RBFOX1: variants seen among roughly 807,000 people sequenced by gnomAD.
RBFOX1 encodes RNA binding fox-1 homolog 1.
In RBFOX1, 8 loss-of-function variants were observed where a neutral mutation model predicts 57.7. The observed-to-expected ratio is 0.14, with a 90% confidence interval of 0.08 to 0.25. The LOEUF is 0.25. RBFOX1 is among the 10% of genes least tolerant of loss of function. The probability of loss-of-function intolerance (pLI) is 1.00; values close to 1 mark genes in which losing one functional copy is unlikely to be tolerated. For synonymous variants in RBFOX1, 326 were observed against 222.4 expected (o/e 1.47, Z -4.15); for missense variants, 611 against 548.5 (o/e 1.11, Z -1.14).
In RBFOX1 at chr16:5,609,559, G is replaced by A. The variant is rs1439302846; in HGVS notation, c.318+10598G>A. Among the ~76,000 whole-genome samples the A allele has an allele frequency of 5.9e-5, 9 of 152,170 alleles. No homozygotes were observed. The South Asian group carries it at 6.2e-4, about 11-fold the overall frequency. ...TGTCAAGCATGTAGAGATGTCCACCGTGTCAGCGAAGGTTGACCCAGCGTC... is the reference window on the plus strand; with the variant it reads ...TGTCAAGCATGTAGAGATGTCCACCATGTCAGCGAAGGTTGACCCAGCGTC... On this transcript the variant is annotated intron_variant, in intron 3 of 19. Coordinates refer to the RBFOX1 transcript ENST00000641259.
At chr16:5,389,427 T>C (rs2066343986) in intron 1 of RBFOX1, among the ~76,000 whole-genome samples, 1 of 152,072 alleles carries the variant, frequency 6.6e-6, no homozygotes, top group South Asian at 2.1e-4. Context: ...CTCCAACCAC[T>C]TGATGCAAAT....
intron 2 of RBFOX1, among the ~76,000 whole-genome samples, chr16:6,617,785 G>A (rs958423039): frequency 1.3e-5 from 2 of 152,162 alleles, no homozygotes; most frequent in African/African-American, 4.8e-5. Context: ...GACAGTGGGG[G>A]ATAAAGTACA....
intron 3 of RBFOX1, among the ~76,000 whole-genome samples, chr16:6,906,021 T>A (rs1390092060): frequency 6.6e-6 from 1 of 152,214 alleles, no homozygotes; most frequent in African/African-American, 2.4e-5. Flanking sequence ...CTTCCTCTGG[T>A]TGGGCAGAAT....
chr16:5,592,891 C>G (rs1017999074), intron 2 of RBFOX1, among the ~76,000 whole-genome samples: 9 of 152,122 alleles, frequency 5.9e-5, no homozygotes, highest in African/African-American at 2.2e-4. Flanking sequence ...GCCTGGTAGA[C>G]CTTTAGAGCT....
At chr16:7,081,569 A>G (rs1056354770) in intron 4 of RBFOX1, among the ~76,000 whole-genome samples, 2 of 152,182 alleles carry the variant, frequency 1.3e-5, no homozygotes, top group African/African-American at 4.8e-5. Context: ...TATGGAGGAC[A>G]TTATTTATGT....
At chr16:6,585,066 C>T (rs924411280) in intron 2 of RBFOX1, among the ~76,000 whole-genome samples, 1 of 152,246 alleles carries the variant, frequency 6.6e-6, no homozygotes, top group South Asian at 2.1e-4. Flanking sequence ...TTCTCTGAGA[C>T]ACAGAGAGCT....
At chr16:6,978,697 A>C (rs561467105) in intron 3 of RBFOX1, among the ~76,000 whole-genome samples, 15 of 152,206 alleles carry the variant, frequency 9.9e-5, no homozygotes, top group African/African-American at 3.6e-4. Context: ...GGTTTTGCCA[A>C]TGTAATCAGG....
chr16:5,595,800 G>A (rs572114535), intron 2 of RBFOX1, among the ~76,000 whole-genome samples: 1 of 152,296 alleles, frequency 6.6e-6, no homozygotes, highest in Admixed American at 6.5e-5. Flanking sequence ...GGACACACGG[G>A]ATTGGGCACA....
In RBFOX1 at chr16:6,019,078, C is replaced by A; in HGVS notation, c.-1041C>A. On this transcript the variant is annotated 5_prime_UTR_variant, in exon 1 of 16. Transcript: ENST00000550418. This position sits in a 1 kb window ranked among gnomAD's most constrained non-coding sequence, Gnocchi z 4.2. ...GCTCGCTGCTTGTCGCGCGCTCACA[C>A]ACACACAGACACACACGCACACACA... The A allele has an allele frequency of 2.0e-6, 2 of 984,120 alleles. No homozygotes were observed. The highest frequency in any genetic ancestry group is 2.4e-6 in the Non-Finnish European group (2 of 829,264). 61.0% of individuals were successfully genotyped at this position (984,120 alleles called of 1,614,324 possible). A position where few individuals can be genotyped will look rare whatever the true frequency, so the allele number is the denominator to read the frequency against.
chr16:7,675,722 G>A (rs1568405050), intron 13 of RBFOX1, among the ~76,000 whole-genome samples: 1 of 148,516 alleles, frequency 6.7e-6, no homozygotes, highest in Admixed American at 6.6e-5. Context: ...TTCTGCTGTT[G>A]TATACCTTCT....
chr16:5,548,173 AAATATATATATATAT>A (rs1316353373), intron 2 of RBFOX1, among the ~76,000 whole-genome samples: 10 of 33,418 alleles, frequency 3.0e-4, no homozygotes, highest in South Asian at 2.5e-3. Flanking sequence ...AAAAAAAAAA[AAATATATATATATAT>A]ATATATATAT....
chr16:7,613,709 C>T (rs2057958794), intron 10 of RBFOX1, among the ~76,000 whole-genome samples: 1 of 151,926 alleles, frequency 6.6e-6, no homozygotes, highest in Non-Finnish European at 1.5e-5. Context: ...ATGAAGGCTC[C>T]CTCACATTTT....
At chr16:6,007,833 A>G (rs1002610406) in intron 4 of RBFOX1, among the ~76,000 whole-genome samples, 4 of 152,270 alleles carry the variant, frequency 2.6e-5, no homozygotes, top group Admixed American at 2.6e-4. Context: ...TTTGATATCT[A>G]GCAGCCGTGG....
At chr16:6,689,404 GATA>G (rs1312982438) in intron 3 of RBFOX1, among the ~76,000 whole-genome samples, 1 of 152,160 alleles carries the variant, frequency 6.6e-6, no homozygotes, top group Admixed American at 6.5e-5. Context: ...GTGGGCAATA[GATA>G]ATACTTTTTT....
chr16:7,172,415 C>T (rs557548016), intron 4 of RBFOX1, among the ~76,000 whole-genome samples: 1 of 152,226 alleles, frequency 6.6e-6, no homozygotes, highest in African/African-American at 2.4e-5. Flanking sequence ...CATTGTTATT[C>T]CCACCATGGC....
intron 3 of RBFOX1, among the ~76,000 whole-genome samples, chr16:5,823,720 G>A (rs1421030715): frequency 3.9e-5 from 6 of 152,084 alleles, no homozygotes; most frequent in Non-Finnish European, 1.5e-5. Context: ...AGGGATCTAG[G>A]TTGCATGCTC....
At chr16:7,125,851 G>T (rs891956311) in intron 4 of RBFOX1, among the ~76,000 whole-genome samples, 4 of 152,152 alleles carry the variant, frequency 2.6e-5, no homozygotes, top group Admixed American at 2.6e-4. Context: ...GGGAGGCTGC[G>T]GTGGGTGGAT....
rs35426149 is a variant in RBFOX1, at chr16:5,363,031, C to CTT, written c.220-104166_220-104165dup. Among the ~76,000 whole-genome samples the CTT allele has an allele frequency of 4.5e-3, 432 of 95,382 alleles. 17 individuals are homozygous for CTT. The highest frequency in any genetic ancestry group is 0.014 in the African/African-American group (344 of 24,834). 62.6% of individuals were successfully genotyped at this position (95,382 alleles called of 152,430 possible). On this transcript the variant is annotated intron_variant, in intron 1 of 2. Coordinates refer to the RBFOX1 transcript ENST00000585867. ...TCTCTTTGAGATGATGATTTTAATTCTTTTTTTTTTTTTTTTTTTTGAGAT... is the reference window on the plus strand; with the variant it reads ...TCTCTTTGAGATGATGATTTTAATTCTTTTTTTTTTTTTTTTTTTTTTGAGAT...
At chr16:5,652,323 C>G (rs1407578002) in intron 3 of RBFOX1, among the ~76,000 whole-genome samples, 1 of 152,154 alleles carries the variant, frequency 6.6e-6, no homozygotes, top group African/African-American at 2.4e-5. Context: ...CTGAAGCTCA[C>G]TAAGGTTAAC....
Sources: allele counts gnomAD v4.1 joint callset (sites outside exome capture counted in the v4.1 genomes callset), GRCh38; gene constraint gnomAD v4.1.1; non-coding constraint Gnocchi (gnomAD v3.1); transcripts MANE v1.5; gene names NCBI Gene and HGNC (gene_info 2026-07-23, HGNC 2026-07-21).